Variants in ETFA observed in about 807,000 individuals in gnomAD.
ETFA encodes the protein electron transfer flavoprotein subunit alpha, mitochondrial.
ETFA carries 22 observed loss-of-function variants against 46.2 expected under a neutral mutation model. That is an observed-to-expected ratio of 0.48 (90% CI 0.34 to 0.68). The LOEUF (loss-of-function observed/expected upper bound fraction) is 0.68. ETFA is among the 30% of genes least tolerant of loss of function. The pLI is 0.01. For synonymous variants in ETFA, 131 were observed against 139.9 expected (o/e 0.94, Z 0.45); for missense variants, 345 against 401.1 (o/e 0.86, Z 1.19).
intron 7 of ETFA, 66 bp downstream of exon 7, chr15:76,285,571 C>G: frequency 1.1e-6 from 1 of 949,124 alleles, no homozygotes. Flanking sequence ...AAAATAAATA[C>G]TAAAAATAAA....
intron 9 of ETFA, among the ~76,000 whole-genome samples, chr15:76,273,154 T>C (rs2039555974): frequency 6.6e-6 from 1 of 151,614 alleles, no homozygotes; most frequent in Non-Finnish European, 1.5e-5. Flanking sequence ...ACAACACACA[T>C]CTGACAAAGA....
intron 9 of ETFA, among the ~76,000 whole-genome samples, chr15:76,252,126 G>C (rs2039304727): frequency 6.6e-6 from 1 of 152,150 alleles, no homozygotes; most frequent in South Asian, 2.1e-4. Context: ...CCCACATCTA[G>C]CAAATGGACA....
intron 4 of ETFA, among the ~76,000 whole-genome samples, chr15:76,290,557 C>G (rs2039751245): frequency 6.6e-6 from 1 of 151,786 alleles, no homozygotes; most frequent in African/African-American, 2.4e-5. Flanking sequence ...CACTGTATTG[C>G]CCAGGCTGGG....
intron 1 of ETFA, among the ~76,000 whole-genome samples, chr15:76,306,500 G>A (rs1023164275): frequency 6.6e-6 from 1 of 151,606 alleles, no homozygotes; most frequent in African/African-American, 2.4e-5. Context: ...TCCTGACCTC[G>A]TGATCCACCC....
intron 4 of ETFA, among the ~76,000 whole-genome samples, chr15:76,291,940 A>G (rs572130831): frequency 1.3e-5 from 2 of 152,182 alleles, no homozygotes; most frequent in South Asian, 2.1e-4. Context: ...TATCCATCTT[A>G]TAACACACTC....
At chr15:76,282,153 C>A (rs1361276733) in intron 8 of ETFA, among the ~76,000 whole-genome samples, 2 of 152,120 alleles carry the variant, frequency 1.3e-5, no homozygotes, top group Admixed American at 6.5e-5. Context: ...ATCCGCCCAC[C>A]CTGGCCTCCC....
chr15:76,244,738 C>T (rs1350937140), intron 9 of ETFA, among the ~76,000 whole-genome samples: 2 of 151,828 alleles, frequency 1.3e-5, no homozygotes, highest in Admixed American at 1.3e-4. Context: ...AGTTACCACA[C>T]CAACACAGCT....
intron 9 of ETFA, among the ~76,000 whole-genome samples, chr15:76,252,890 C>T (rs896541992): frequency 5.9e-5 from 8 of 136,592 alleles, no homozygotes; most frequent in Admixed American, 8.5e-5. Flanking sequence ...CACACACACA[C>T]AGAGTACTTT....
chr15:76,289,709 G>A (rs1182029391), intron 4 of ETFA, among the ~76,000 whole-genome samples: 2 of 152,218 alleles, frequency 1.3e-5, no homozygotes, highest in Non-Finnish European at 2.9e-5. Flanking sequence ...GTATAAAAGT[G>A]TGTTATCTCA....
In ETFA at chr15:76,280,736, A is replaced by G. The variant is rs2039639864; in HGVS notation, c.733+3021T>C. ...TTGCCTCCCAATTTTATCTCTTGCT[A>G]CTTTCTCTTTTGCACTTTCCATTCC... is the stretch of plus-strand genomic sequence containing the variant. On this transcript the variant is annotated intron_variant, in intron 8 of 11. Transcript: ENST00000557943. Among the ~76,000 whole-genome samples the G allele has an allele frequency of 5.9e-5, 9 of 151,910 alleles. No homozygotes were observed. The South Asian group carries it at 1.9e-3, about 32-fold the overall frequency.
At chr15:76,225,723 G>C (rs978964599) in intron 11 of ETFA, 126 bp downstream of exon 11, 1 of 763,238 alleles carries the variant, frequency 1.3e-6, no homozygotes. Flanking sequence ...TATATTAACA[G>C]TATACATACA....
intron 1 of ETFA, among the ~76,000 whole-genome samples, chr15:76,296,531 A>G (rs1323524628): frequency 6.6e-6 from 1 of 152,170 alleles, no homozygotes; most frequent in Non-Finnish European, 1.5e-5. Flanking sequence ...GTTGATCCCT[A>G]TTGTTTCAGT....
intron 9 of ETFA, among the ~76,000 whole-genome samples, chr15:76,238,214 T>C (rs1489284017): frequency 2.0e-5 from 3 of 152,208 alleles, no homozygotes; most frequent in Non-Finnish European, 4.4e-5. Context: ...GAGATTTAAA[T>C]GTTTACTTTT....
At chr15:76,297,763 TC>T (rs2039839947) in intron 1 of ETFA, among the ~76,000 whole-genome samples, 1 of 152,204 alleles carries the variant, frequency 6.6e-6, no homozygotes, top group African/African-American at 2.4e-5. Context: ...ATCTAGCTGA[TC>T]GATTTTTACT....
intron 9 of ETFA, among the ~76,000 whole-genome samples, chr15:76,272,461 C>T (rs991445703): frequency 1.1e-4 from 17 of 152,102 alleles, no homozygotes; most frequent in Admixed American, 1.3e-4. Flanking sequence ...ACCTCGTGAT[C>T]CAACTGCCTC....
chr15:76,282,096 G>T (rs1176189611), intron 8 of ETFA, among the ~76,000 whole-genome samples: 3 of 151,854 alleles, frequency 2.0e-5, no homozygotes, highest in Admixed American at 6.6e-5. Flanking sequence ...TACAGATGGG[G>T]TTTCACCACG....
intron 1 of ETFA, among the ~76,000 whole-genome samples, chr15:76,307,629 G>T (rs942127155): frequency 1.3e-5 from 2 of 151,950 alleles, no homozygotes; most frequent in African/African-American, 4.8e-5. Context: ...TGGGACTACA[G>T]GTGTGAACCA....
At chr15:76,248,882 A>G (rs201069310) in intron 9 of ETFA, among the ~76,000 whole-genome samples, 1 of 143,648 alleles carries the variant, frequency 7.0e-6, no homozygotes, top group African/African-American at 2.7e-5. Flanking sequence ...GTCTCAAAAA[A>G]TAAAAAAAAA....
intron 9 of ETFA, among the ~76,000 whole-genome samples, chr15:76,272,004 T>C (rs2039539227): frequency 6.6e-6 from 1 of 152,224 alleles, no homozygotes. Context: ...CTTCAAAGCA[T>C]TTAATATATT....
Sources: allele counts gnomAD v4.1 joint callset (sites outside exome capture counted in the v4.1 genomes callset), GRCh38; gene constraint gnomAD v4.1.1; transcripts MANE v1.5; gene names NCBI Gene and HGNC (gene_info 2026-07-23, HGNC 2026-07-21).